The following GRXCR1 variants were observed in gnomAD, a reference collection of about 807,000 sequenced individuals.
GRXCR1 encodes the protein glutaredoxin domain-containing cysteine-rich protein 1.
A neutral mutation model predicts 27.3 loss-of-function variants in GRXCR1; 27 were observed. The observed-to-expected ratio is 0.99, with a 90% CI of 0.73 to 1.37. The LOEUF is 1.37. Among genes scored for constraint, GRXCR1 ranks in the 40% most tolerant of loss-of-function variants. GRXCR1 has a pLI of 0.00. For synonymous variants in GRXCR1, 122 were observed against 131.1 expected, an observed-to-expected ratio of 0.93 and a Z score of 0.47; for missense variants, 379 against 354.4, an observed-to-expected ratio of 1.07 and a Z score of -0.56.
intron 1 of GRXCR1, among the ~76,000 whole-genome samples, chr4:42,928,469 A>G (rs931655616): frequency 6.6e-5 from 10 of 151,916 alleles, no homozygotes; most frequent in Non-Finnish European, 2.9e-5. Flanking sequence ...TTGGCAGGGG[A>G]TAATCATAAC....
chr4:43,020,469 A>G, intron 3 of GRXCR1, 50 bp downstream of exon 3: 1 of 1,119,530 alleles, frequency 8.9e-7, no homozygotes, highest in Non-Finnish European at 1.4e-6. Context: ...TATTAAACAC[A>G]TTCTGATTAT....
chr4:43,000,659 A>G (rs1712323835), intron 2 of GRXCR1, among the ~76,000 whole-genome samples: 1 of 143,652 alleles, frequency 7.0e-6, no homozygotes, highest in African/African-American at 2.7e-5. Context: ...TAATTTATAA[A>G]TTGTTAGAGG....
chr4:42,893,493 A>T lies in GRXCR1; in HGVS notation c.227A>T (p.Asp76Val). Residue 76 changes from aspartate to valine, a missense_variant, in exon 1 of 4, where the codon GAC becomes GTC. By Grantham distance (152) the Asp-to-Val change is radical. Transcript: ENST00000399770. ...IESEGDENEN[D>V]QDSLLVLARA... The stretch of plus-strand genomic sequence containing the variant: ...TCAGAAGGTGATGAGAATGAGAATG[A>T]CCAGGATAGCTTGCTGGTGTTAGCA... The T allele has an allele frequency of 6.2e-7, 1 of 1,613,888 alleles. No individual in the cohort carries two copies. Among genetic ancestry groups the T allele is most frequent in the Non-Finnish European group, 8.5e-7 (1 of 1,179,838 alleles).
At chr4:42,924,007 C>T (rs139080262) in intron 1 of GRXCR1, among the ~76,000 whole-genome samples, 21 of 152,160 alleles carry the variant, frequency 1.4e-4, no homozygotes, top group African/African-American at 5.1e-4. Flanking sequence ...AAATTGCCTG[C>T]CACAAATTGC....
At chr4:42,904,737 T>A (rs959864350) in intron 1 of GRXCR1, among the ~76,000 whole-genome samples, 1 of 152,180 alleles carries the variant, frequency 6.6e-6, no homozygotes, top group Non-Finnish European at 1.5e-5. Flanking sequence ...AAATTGTGAA[T>A]CAAATACTAC....
chr4:43,018,537 C>T (rs78376875), intron 2 of GRXCR1, among the ~76,000 whole-genome samples: 3,903 of 152,214 alleles, frequency 0.026, 171 homozygotes, highest in African/African-American at 0.09. Context: ...CAGGTCCTTT[C>T]TTGGCATATG....
chr4:42,933,989 C>A (rs1217998546), intron 1 of GRXCR1, among the ~76,000 whole-genome samples: 1 of 151,828 alleles, frequency 6.6e-6, no homozygotes, highest in African/African-American at 2.4e-5. Context: ...GAGATGCAGG[C>A]AGAACCTGGA....
At chr4:42,972,856 C>T (rs965721623) in intron 2 of GRXCR1, among the ~76,000 whole-genome samples, 7 of 152,080 alleles carry the variant, frequency 4.6e-5, no homozygotes, top group Non-Finnish European at 1.0e-4. Flanking sequence ...TTCAGTTCTA[C>T]TCTTTAGCAG....
chr4:42,946,222 A>G (rs1042938065), intron 1 of GRXCR1, among the ~76,000 whole-genome samples: 11 of 152,178 alleles, frequency 7.2e-5, no homozygotes, highest in African/African-American at 2.7e-4. Flanking sequence ...ATTAGTCATC[A>G]TCGTTATGTT....
intron 1 of GRXCR1, among the ~76,000 whole-genome samples, chr4:42,921,225 C>T (rs910148387): frequency 1.8e-4 from 28 of 152,058 alleles, no homozygotes; most frequent in Non-Finnish European, 3.4e-4. Flanking sequence ...GAGAAGGCAT[C>T]ATCTACAAGT....
At chr4:42,972,518 G>T (rs962519888) in intron 2 of GRXCR1, among the ~76,000 whole-genome samples, 14 of 152,140 alleles carry the variant, frequency 9.2e-5, no homozygotes, top group African/African-American at 2.2e-4. Flanking sequence ...TTGCTCCTCT[G>T]TCCCTTTTTC....
intron 1 of GRXCR1, among the ~76,000 whole-genome samples, chr4:42,905,021 T>C (rs1746554573): frequency 6.6e-6 from 1 of 152,174 alleles, no homozygotes; most frequent in Non-Finnish European, 1.5e-5. Context: ...TACCACAAGA[T>C]TTTTTGGCAG....
intron 3 of GRXCR1, among the ~76,000 whole-genome samples, chr4:43,023,682 C>G (rs1713165122): frequency 6.6e-6 from 1 of 152,208 alleles, no homozygotes; most frequent in Non-Finnish European, 1.5e-5. Flanking sequence ...ATGTTCATTT[C>G]TTTTTATTAT....
intron 2 of GRXCR1, among the ~76,000 whole-genome samples, chr4:42,966,623 A>G (rs559618121): frequency 9.9e-4 from 151 of 152,232 alleles, no homozygotes; most frequent in African/African-American, 3.5e-3. Context: ...AGCTTCTGCC[A>G]TAGTCAAGAA....
chr4:42,928,522 A>G (rs1747224389), intron 1 of GRXCR1, among the ~76,000 whole-genome samples: 1 of 151,890 alleles, frequency 6.6e-6, no homozygotes, highest in Non-Finnish European at 1.5e-5. Context: ...GGTATTTTTG[A>G]TGGGATAGTC....
At chr4:42,908,337 G>C (rs1219664615) in intron 1 of GRXCR1, among the ~76,000 whole-genome samples, 1 of 152,180 alleles carries the variant, frequency 6.6e-6, no homozygotes, top group East Asian at 1.9e-4. Context: ...TTCTACCAGG[G>C]CCGAGGTCAT....
At chr4:42,967,665 C>T (rs1748279220) in intron 2 of GRXCR1, among the ~76,000 whole-genome samples, 2 of 151,976 alleles carry the variant, frequency 1.3e-5, no homozygotes, top group South Asian at 4.1e-4. Context: ...TTAGATGTCA[C>T]ATATTGTGAA....
chr4:42,932,137 A>T (rs1747326172), intron 1 of GRXCR1, among the ~76,000 whole-genome samples: 1 of 152,082 alleles, frequency 6.6e-6, no homozygotes, highest in Middle Eastern at 3.4e-3. Flanking sequence ...GTGGGGACAC[A>T]GTCAAACCAT....
At chr4:42,987,261 A>T (rs200062884) in intron 2 of GRXCR1, among the ~76,000 whole-genome samples, 3,183 of 97,100 alleles carry the variant, frequency 0.033, 71 homozygotes, top group African/African-American at 0.038. Flanking sequence ...ATATATATAT[A>T]ATATATATAT....
Sources: gnomAD v4.1 joint callset for allele counts (sites outside exome capture counted in the v4.1 genomes callset) on GRCh38, gnomAD v4.1.1 for gene constraint, MANE v1.5 for transcripts, NCBI Gene and HGNC (gene_info 2026-07-23, HGNC 2026-07-21) for gene names.